LANCL2: variants seen among roughly 807,000 people sequenced by gnomAD.
LANCL2 encodes lanC-like protein 2.
In LANCL2, 33 loss-of-function variants were observed where a neutral mutation model predicts 56.9. That is an observed-to-expected ratio of 0.58 (90% CI 0.44 to 0.78). The LOEUF (loss-of-function observed/expected upper bound fraction) is 0.78. Among genes scored for constraint, LANCL2 ranks in the 30% least tolerant of loss-of-function variants. The pLI, the probability that LANCL2 is intolerant of heterozygous loss-of-function variation, is 0.00. For synonymous variants in LANCL2, 233 were observed against 228.2 expected (o/e 1.02, Z -0.19); for missense variants, 562 against 580.2 (o/e 0.97, Z 0.32).
chr7:55,382,984 T>A (rs1790085949), intron 1 of LANCL2, among the ~76,000 whole-genome samples: 1 of 152,218 alleles, frequency 6.6e-6, no homozygotes, highest in Non-Finnish European at 1.5e-5. Context: ...TTGGCCAGCA[T>A]GGTGGCTCAC....
chr7:55,410,062 T>C (rs2128995057), intron 5 of LANCL2, among the ~76,000 whole-genome samples: 1 of 152,252 alleles, frequency 6.6e-6, no homozygotes, highest in South Asian at 2.1e-4. Context: ...AAACCTAGAA[T>C]CAGTAACTCA....
rs1398550135 is a variant in LANCL2, at chr7:55,431,564, G to A, written c.*244G>A. The A allele has an allele frequency of 2.3e-6, 1 of 439,256 alleles. No homozygotes were observed. Among genetic ancestry groups the A allele is most frequent in the Non-Finnish European group, 4.0e-6 (1 of 247,842 alleles). The allele number at this position is 439,256 out of a possible 1,614,324, so 27.2% of individuals were successfully genotyped here. A position where few individuals can be genotyped will look rare whatever the true frequency, so the allele number is the denominator to read the frequency against. The stretch of plus-strand genomic sequence containing the variant: ...AGTGTTTGCATGTTTCTTGGTGTTT[G>A]TTGTCTCCAGGTGTAAGCTGTTTTA... On this transcript the variant is annotated 3_prime_UTR_variant, in exon 9 of 9. Transcript: ENST00000254770.
At chr7:55,369,451 T>C (rs1330782180) in intron 1 of LANCL2, among the ~76,000 whole-genome samples, 1 of 152,254 alleles carries the variant, frequency 6.6e-6, no homozygotes, top group African/African-American at 2.4e-5. Context: ...TCAAGTCGGC[T>C]TCTCTGGGCC....
intron 1 of LANCL2, among the ~76,000 whole-genome samples, chr7:55,366,988 GT>G (rs1430880086): frequency 6.6e-6 from 1 of 152,180 alleles, no homozygotes; most frequent in East Asian, 1.9e-4. Context: ...GTGTTTCTTT[GT>G]TCCTGGTGTA....
Position 55,366,251 on chromosome 7 carries a change from A to G in LANCL2, c.204+22A>G, listed in dbSNP as rs373246574. On this transcript the variant is annotated intron_variant, in intron 1 of 8. Coordinates refer to ENST00000254770, the MANE Select transcript of LANCL2 (RefSeq NM_018697.4). ...GAAGGTGAGTCGGCGGCCTGGCCGCAGAGGCGCCGGAGGGGGAGCGCGGCG... is the reference window on the plus strand; with the variant it reads ...GAAGGTGAGTCGGCGGCCTGGCCGCGGAGGCGCCGGAGGGGGAGCGCGGCG... The G allele has an allele frequency of 1.6e-4, 232 of 1,464,606 alleles. 1 individual carries two copies. In the African/African-American group the frequency reaches 2.3e-3, roughly 15 times the overall value. 90.7% of individuals were successfully genotyped at this position (1,464,606 alleles called of 1,614,324 possible).
In LANCL2 at chr7:55,403,115, C is replaced by T. The variant is rs558589219; in HGVS notation, c.825+1795C>T. Among the ~76,000 whole-genome samples the T allele has an allele frequency of 3.3e-5, 5 of 152,268 alleles. No homozygotes were observed. In the East Asian group the frequency reaches 9.7e-4, roughly 29 times the overall value. The stretch of plus-strand genomic sequence containing the variant: ...CTGGGAGGTGGAGGTTGTAGCGAGC[C>T]GAGATCACGCCACTGCACTCCAGCC... On this transcript the variant is annotated intron_variant, in intron 5 of 8. Transcript: ENST00000254770.
At chr7:55,389,587 A>G (rs1016018696) in intron 1 of LANCL2, among the ~76,000 whole-genome samples, 7 of 151,938 alleles carry the variant, frequency 4.6e-5, no homozygotes, top group Non-Finnish European at 8.8e-5. Context: ...AATTTTGTCC[A>G]GAGTGTAGCA....
At chr7:55,398,741 A>G in intron 3 of LANCL2, 111 bp downstream of exon 3, 1 of 810,924 alleles carries the variant, frequency 1.2e-6, no homozygotes, top group Non-Finnish European at 2.0e-6. Flanking sequence ...TTGTAAACAG[A>G]TCACTCCAAA....
intron 4 of LANCL2, 68 bp from the exon 5 acceptor site, chr7:55,401,103 CATA>C: frequency 7.6e-7 from 1 of 1,320,314 alleles, no homozygotes; most frequent in East Asian, 2.3e-5. Flanking sequence ...ATATATATGA[CATA>C]CTGTTAATTA....
chr7:55,389,785 GGGGAAAA>G (rs1790164693), intron 1 of LANCL2, among the ~76,000 whole-genome samples: 1 of 152,168 alleles, frequency 6.6e-6, no homozygotes, highest in African/African-American at 2.4e-5. Context: ...TTTTATAAAA[GGGGAAAA>G]GGCAGTTGTC....
At chr7:55,404,981 C>T (rs1216858318) in intron 5 of LANCL2, among the ~76,000 whole-genome samples, 1 of 152,086 alleles carries the variant, frequency 6.6e-6, no homozygotes, top group Non-Finnish European at 1.5e-5. Context: ...TTATTTTGAA[C>T]AGTTAGATTT....
chr7:55,381,558 A>G (rs978620255), intron 1 of LANCL2, among the ~76,000 whole-genome samples: 4 of 152,248 alleles, frequency 2.6e-5, no homozygotes, highest in Non-Finnish European at 5.9e-5. Flanking sequence ...TGTACAAATT[A>G]ACATTCCAGA....
intron 5 of LANCL2, among the ~76,000 whole-genome samples, chr7:55,404,737 CT>C (rs927233723): frequency 7.2e-5 from 11 of 152,124 alleles, no homozygotes; most frequent in Admixed American, 7.2e-4. Flanking sequence ...CCTTAGCCTC[CT>C]GAGTAGCTGG....
intron 7 of LANCL2, 35 bp downstream of exon 7, chr7:55,425,465 A>G: frequency 6.3e-7 from 1 of 1,595,496 alleles, no homozygotes; most frequent in Admixed American, 1.7e-5. Context: ...CTTCTGAACA[A>G]CCCCGAGTGT....
chr7:55,398,852 A>G (rs766985281), intron 3 of LANCL2, among the ~76,000 whole-genome samples: 4 of 152,162 alleles, frequency 2.6e-5, no homozygotes, highest in Non-Finnish European at 4.4e-5. Flanking sequence ...CCTTATTTTA[A>G]CCATGTTTCC....
At chr7:55,392,041 C>T (rs1583750138) in intron 2 of LANCL2, 131 bp downstream of exon 2, 1 of 525,544 alleles carries the variant, frequency 1.9e-6, no homozygotes, top group Non-Finnish European at 3.5e-6. Context: ...GCCTGTAATC[C>T]CAGCACATTT....
chr7:55,375,315 A>G (rs1433184324), intron 1 of LANCL2, among the ~76,000 whole-genome samples: 2 of 152,248 alleles, frequency 1.3e-5, no homozygotes, highest in African/African-American at 4.8e-5. Flanking sequence ...AGTATTTTAG[A>G]AAGAGAATGA....
chr7:55,425,048 G>A (rs1790649521), intron 6 of LANCL2, among the ~76,000 whole-genome samples: 1 of 152,186 alleles, frequency 6.6e-6, no homozygotes, highest in East Asian at 1.9e-4. Flanking sequence ...CAAAAAGGTT[G>A]GAGACCGCTG....
intron 1 of LANCL2, among the ~76,000 whole-genome samples, chr7:55,390,463 G>A (rs1022290736): frequency 3.9e-5 from 6 of 152,116 alleles, no homozygotes; most frequent in East Asian, 1.9e-4. Context: ...AAAATTAGTC[G>A]GGTGTGGTGG....
Sources: gnomAD v4.1 joint callset for allele counts (sites outside exome capture counted in the v4.1 genomes callset) on GRCh38, gnomAD v4.1.1 for gene constraint, MANE v1.5 for transcripts, NCBI Gene and HGNC (gene_info 2026-07-23, HGNC 2026-07-21) for gene names.